The following TASP1 variants were observed in gnomAD, a reference collection of about 807,000 sequenced individuals.
The protein encoded by TASP1 is taspase 1.
Under a neutral mutation model 56.6 loss-of-function variants are expected in TASP1, and 16 were observed. The ratio of observed to expected loss-of-function variants is 0.28; its 90% CI spans 0.19 to 0.43. TASP1 has a LOEUF of 0.43. Among genes scored for constraint, TASP1 ranks in the 20% least tolerant of loss-of-function variants. TASP1 has a pLI of 1.00. For missense variants in TASP1, 393 were observed against 511.6 expected, an observed-to-expected ratio of 0.77 and a Z score of 2.24; for synonymous variants, 179 against 184.2, an observed-to-expected ratio of 0.97 and a Z score of 0.23.
the TASP1 span, among the ~76,000 whole-genome samples, chr20:13,196,596 A>C: frequency 6.4e-3 from 982 of 152,352 alleles, 20 homozygotes; most frequent in African/African-American, 0.022. Flanking sequence ...TCTATGTGAA[A>C]TATAGGCTGG....
intron 13 of TASP1, among the ~76,000 whole-genome samples, chr20:13,402,887 A>C (rs1022669358): frequency 6.6e-6 from 1 of 152,224 alleles, no homozygotes; most frequent in Non-Finnish European, 1.5e-5. Flanking sequence ...GCCTGTAATC[A>C]AGGTTCACAC....
chr20:13,265,783 C>T, the TASP1 span, among the ~76,000 whole-genome samples: 12 of 152,254 alleles, frequency 7.9e-5, no homozygotes, highest in Admixed American at 6.5e-4. Flanking sequence ...CCCAAGAGGG[C>T]ACATTGCTAC....
the TASP1 span, chr20:13,110,169 C>T: frequency 6.2e-7 from 1 of 1,613,602 alleles, no homozygotes; most frequent in East Asian, 2.2e-5. Context: ...CAGCCTCGAA[C>T]CCGCAGAGCT....
intron 8 of TASP1, among the ~76,000 whole-genome samples, chr20:13,542,490 G>A (rs2045660377): frequency 6.6e-6 from 1 of 152,078 alleles, no homozygotes. Context: ...AGAAATGGAC[G>A]TGAATAGCAT....
downstream of TASP1, among the ~76,000 whole-genome samples, chr20:13,385,165 C>T (rs549700830): frequency 6.6e-5 from 10 of 152,282 alleles, no homozygotes; most frequent in South Asian, 1.0e-3. Context: ...AAAATGTGTT[C>T]GTGACACAGG....
chr20:13,269,602 T>G, the TASP1 span, among the ~76,000 whole-genome samples: 2 of 152,122 alleles, frequency 1.3e-5, no homozygotes, highest in East Asian at 3.9e-4. Flanking sequence ...TGCTGTTCCT[T>G]TTGCTAAAAT....
chr20:13,425,247 T>C (rs763162980), intron 12 of TASP1, among the ~76,000 whole-genome samples: 1 of 152,222 alleles, frequency 6.6e-6, no homozygotes, highest in Non-Finnish European at 1.5e-5. Flanking sequence ...ACCAGCTTTA[T>C]GGGTTAAAAG....
chr20:13,634,008 CAG>C (rs1409702997), intron 1 of TASP1, among the ~76,000 whole-genome samples: 1 of 147,830 alleles, frequency 6.8e-6, no homozygotes, highest in Non-Finnish European at 1.5e-5. Context: ...AAAAGTTAAA[CAG>C]AGTTATGCTA....
At chr20:13,261,333 G>A in the TASP1 span, among the ~76,000 whole-genome samples, 4 of 151,692 alleles carry the variant, frequency 2.6e-5, no homozygotes, top group South Asian at 2.1e-4. Flanking sequence ...CAGGAGAATC[G>A]CCTGAACCCA....
At chr20:13,430,823 G>T (rs762028839) in intron 12 of TASP1, among the ~76,000 whole-genome samples, 6 of 152,182 alleles carry the variant, frequency 3.9e-5, no homozygotes, top group African/African-American at 9.6e-5. Context: ...TTCTATTCAT[G>T]AATCAGTAGA....
the TASP1 span, among the ~76,000 whole-genome samples, chr20:13,351,571 G>A: frequency 4.6e-5 from 7 of 152,242 alleles, no homozygotes; most frequent in East Asian, 3.9e-4. Context: ...TTTATACAAC[G>A]TTCTTGAAAA....
chr20:13,153,169 C>G, the TASP1 span, among the ~76,000 whole-genome samples: 1 of 152,202 alleles, frequency 6.6e-6, no homozygotes, highest in African/African-American at 2.4e-5. Flanking sequence ...CTTTGGCTGG[C>G]TTACTTACCC....
chr20:13,252,374 G>A, the TASP1 span, among the ~76,000 whole-genome samples: 53 of 152,320 alleles, frequency 3.5e-4, no homozygotes, highest in African/African-American at 1.2e-3. Context: ...AAAGTTAGGT[G>A]TTGGATGGTC....
chr20:13,499,460 C>CT (rs2043861888), intron 10 of TASP1, among the ~76,000 whole-genome samples: 1 of 116,336 alleles, frequency 8.6e-6, no homozygotes, highest in Non-Finnish European at 2.1e-5. Context: ...GCTGAAATCT[C>CT]TTTAAAAAAA....
the TASP1 span, among the ~76,000 whole-genome samples, chr20:13,291,255 G>A: frequency 6.6e-6 from 1 of 152,144 alleles, no homozygotes. Context: ...CTGCCTCTCA[G>A]TTCCTGGCTA....
intron 10 of TASP1, among the ~76,000 whole-genome samples, chr20:13,509,124 A>AGTGTGTGTGT (rs71334125): frequency 0.04 from 5,761 of 142,806 alleles, 173 homozygotes; most frequent in Non-Finnish European, 0.05. Flanking sequence ...GAATGAAGAA[A>AGTGTGTGTGT]GTGTGTGTGT....
the TASP1 span, among the ~76,000 whole-genome samples, chr20:13,294,128 C>T: frequency 4.9e-4 from 74 of 152,252 alleles, no homozygotes; most frequent in African/African-American, 1.7e-3. Flanking sequence ...CCCAGTATTG[C>T]CAGATGTTCT....
At chr20:13,462,021 C>T (rs111358964) in intron 11 of TASP1, among the ~76,000 whole-genome samples, 8,928 of 152,036 alleles carry the variant, frequency 0.059, 373 homozygotes, top group African/African-American at 0.12. Flanking sequence ...ACAGTTCTAG[C>T]CAATAAGACA....
At chr20:13,503,538 T>G (rs1440923221) in intron 10 of TASP1, among the ~76,000 whole-genome samples, 1 of 152,242 alleles carries the variant, frequency 6.6e-6, no homozygotes, top group African/African-American at 2.4e-5. Context: ...GCAAAGCCAG[T>G]AATGCAACAT....
Sources: gnomAD v4.1 joint callset for allele counts (sites outside exome capture counted in the v4.1 genomes callset) on GRCh38, gnomAD v4.1.1 for gene constraint, MANE v1.5 for transcripts, NCBI Gene and HGNC (gene_info 2026-07-23, HGNC 2026-07-21) for gene names.